Variants in ABCA9 observed in about 807,000 individuals in gnomAD.
ABCA9 encodes ATP binding cassette subfamily A member 9, also known as ATP-binding cassette sub-family A member 9.
ABCA9 carries 183 observed loss-of-function variants against 205.3 expected under a neutral mutation model. The observed-to-expected ratio is 0.89, with a 90% CI of 0.79 to 1.01. The LOEUF (loss-of-function observed/expected upper bound fraction) is 1.01, where lower values mean the gene tolerates loss of function less well. Among genes scored for constraint, ABCA9 ranks in the 50% least tolerant of loss-of-function variants. The pLI is 0.00. For missense variants in ABCA9, 1,805 were observed against 1,912.4 expected (o/e 0.94, Z 1.05); for synonymous variants, 651 against 683.3 (o/e 0.95, Z 0.74).
intron 19 of ABCA9, chr17:69,019,863 A>C (rs574852803): frequency 6.5e-6 from 1 of 152,738 alleles, no homozygotes; most frequent in South Asian, 2.1e-4. Context: ...TCCAACTACA[A>C]CATTAACTCT....
chr17:69,003,374 T>C lies in ABCA9; in HGVS notation c.3435+4385A>G, dbSNP rs1411820618. Among the ~76,000 whole-genome samples the C allele has an allele frequency of 4.7e-5, 7 of 148,954 alleles. No individual in the cohort carries two copies. In the South Asian group the frequency reaches 6.6e-4, roughly 14 times the overall value. ...AAGGATTTTATTTCTCCTTCACTTATGAAGCTTAGTTTGGCTGGATATGAA... is the reference window on the plus strand; with the variant it reads ...AAGGATTTTATTTCTCCTTCACTTACGAAGCTTAGTTTGGCTGGATATGAA... On this transcript the variant is annotated intron_variant, in intron 25 of 38. Transcript: ENST00000340001.
chr17:69,042,559 C>T (rs1272209516), intron 6 of ABCA9: 1 of 152,162 alleles, frequency 6.6e-6, no homozygotes, highest in East Asian at 1.9e-4. Context: ...AATCAATCAC[C>T]ATTCCTAACA....
chr17:68,979,436 T>C lies in ABCA9; in HGVS notation c.4720+3126A>G, dbSNP rs529691469. On this transcript the variant is annotated intron_variant, in intron 37 of 38. Transcript: ENST00000340001. ...TTCACAGAATTAGAAAAAACTACTT[T>C]AAAGTTCATATGGAACCAAAAAAGA... Among the ~76,000 whole-genome samples the C allele has an allele frequency of 6.4e-3, 964 of 151,410 alleles. 3 individuals are homozygous for C. Among genetic ancestry groups the C allele is most frequent in the Non-Finnish European group, 9.4e-3 (637 of 68,000 alleles).
In ABCA9 at chr17:69,043,510, C is replaced by A; in HGVS notation, c.779G>T (p.Gly260Val). 6.2e-7 allele frequency: 1 copy of A among 1,600,416 alleles called. No individual in the cohort carries two copies. Among genetic ancestry groups the A allele is most frequent in the Non-Finnish European group, 8.5e-7 (1 of 1,173,110 alleles). Residue 260 changes from glycine (G) to valine (V), a missense_variant, in exon 6 of 39, where the codon GGA (glycine) becomes GTA (valine). Transcript: ENST00000340001. ...QYITSLMTMM[G>V]LRESAFWLSW... Reference sequence around the variant, plus strand: ...TTACCAGAATGCTGACTCTCGGAGTCCCATCATTGTCATCAATGACGTAAT... The same window carrying A: ...TTACCAGAATGCTGACTCTCGGAGTACCATCATTGTCATCAATGACGTAAT...
intron 8 of ABCA9, 25 bp downstream of exon 8, chr17:69,035,220 AG>A (rs755351399): frequency 6.7e-7 from 1 of 1,485,300 alleles, no homozygotes; most frequent in South Asian, 1.5e-5. Context: ...GTTTGTAAAA[AG>A]TGAAAGTGTT....
Position 69,017,770 on chromosome 17 carries a change from A to G in ABCA9, c.2787T>C (p.Phe929=). ...TGTTCTGTCGCCTCAGTGAATGTAAAAAGTTATCAATGGTTGACCCTACAT... is the reference window on the plus strand; with the variant it reads ...TGTTCTGTCGCCTCAGTGAATGTAAGAAGTTATCAATGGTTGACCCTACAT... ...INKTGSTIDN[F]LHSLRRQNIA... Residue 929 remains phenylalanine (F), a synonymous_variant, in exon 21 of 39, where the codon TTT becomes TTC. Coordinates refer to ENST00000340001, the MANE Select transcript of ABCA9 (RefSeq NM_080283.4). The G allele has an allele frequency of 6.2e-7, 1 of 1,613,228 alleles. No individual in the cohort carries two copies. Among genetic ancestry groups the G allele is most frequent in the Non-Finnish European group, 8.5e-7 (1 of 1,179,354 alleles).
chr17:69,051,225 A>G, intron 1 of ABCA9, 86 bp from the exon 2 acceptor site: 6 of 1,214,022 alleles, frequency 4.9e-6, no homozygotes, highest in Admixed American at 2.5e-5. Flanking sequence ...GAAACATTGT[A>G]ACAGCTGTTT....
In ABCA9 at chr17:68,983,673, C is replaced by G. The variant is rs2069134643; in HGVS notation, c.4640+36G>C. 8 of 1,606,574 alleles carry G rather than the reference C, an allele frequency of 5.0e-6. No individual in the cohort carries two copies. In the East Asian group the frequency reaches 1.6e-4, roughly 31 times the overall value. On this transcript the variant is annotated intron_variant, in intron 36 of 38. Transcript: ENST00000340001. The stretch of plus-strand genomic sequence containing the variant: ...CATAGCAGAAATATGGAAACAAAAA[C>G]CAAGGACTGTGATAAAACAAAACAC...
intron 1 of ABCA9, among the ~76,000 whole-genome samples, chr17:69,058,597 T>C (rs1449211960): frequency 6.6e-6 from 1 of 152,150 alleles, no homozygotes; most frequent in Non-Finnish European, 1.5e-5. Flanking sequence ...CCCAGCACTT[T>C]GGGAGGCTGA....
chr17:69,078,145 G>C, the ABCA9 span, among the ~76,000 whole-genome samples: 7 of 151,570 alleles, frequency 4.6e-5, no homozygotes, highest in African/African-American at 1.7e-4. Flanking sequence ...CAACATGAGT[G>C]CTTGTCTACT....
chr17:68,995,708 C>G (rs2069596862), intron 26 of ABCA9, among the ~76,000 whole-genome samples, 187 bp downstream of exon 26: 1 of 152,026 alleles, frequency 6.6e-6, no homozygotes, highest in Non-Finnish European at 1.5e-5. Flanking sequence ...TGTCATAAAC[C>G]AAAGCTGGCT....
intron 34 of ABCA9, 118 bp from the exon 35 acceptor site, chr17:68,984,293 A>T: frequency 7.1e-7 from 1 of 1,414,100 alleles, no homozygotes; most frequent in South Asian, 1.3e-5. Flanking sequence ...GACTAGACAA[A>T]AAAGGGGTGT....
intron 1 of ABCA9, 111 bp from the exon 2 acceptor site, chr17:69,051,250 G>T: frequency 1.1e-6 from 1 of 920,390 alleles, no homozygotes; most frequent in Non-Finnish European, 1.5e-6. Flanking sequence ...TTGCATTCCT[G>T]GAGAAGAAGA....
rs113318798 is a variant in ABCA9, at chr17:69,029,790, G to A, written c.1446-563C>T. Among the ~76,000 whole-genome samples the A allele has an allele frequency of 9.2e-3, 1,405 of 152,224 alleles. 23 individuals carry two copies. Among genetic ancestry groups the A allele is most frequent in the Admixed American group, 0.027 (420 of 15,286 alleles). ...ATGTAGAGTAAATAAGATAATATAC[G>A]CAGAACACAAAATACTTGGAACCTA... On this transcript the variant is annotated intron_variant, in intron 10 of 38. Transcript: ENST00000340001.
At position 68,984,125 on chromosome 17, in the gene ABCA9, G is replaced by T; in HGVS notation, c.4430C>A (p.Thr1477Asn). 1 of 1,614,168 alleles carries T rather than the reference G, an allele frequency of 6.2e-7. No individual in the cohort carries two copies. The highest frequency in any genetic ancestry group is 2.2e-5 in the East Asian group (1 of 44,878). Reference sequence around the variant, plus strand: ...CTCAGCCTCTGCCATGTAGTGGGTGGTCAGGAGGGCGCCCCTCTCCGTGTT... The same window carrying T: ...CTCAGCCTCTGCCATGTAGTGGGTGTTCAGGAGGGCGCCCCTCTCCGTGTT... ...FRNTERGALL[T>N]THYMAEAEAV... Residue 1477 changes from threonine (T) to asparagine (N), a missense_variant, in exon 35 of 39, where the codon ACC (threonine) becomes AAC (asparagine). Thr to Asn is a moderately conservative substitution (Grantham distance 65). Coordinates refer to ENST00000340001, the MANE Select transcript of ABCA9 (RefSeq NM_080283.4).
At chr17:69,049,850 C>T (rs1044439962) in intron 2 of ABCA9, among the ~76,000 whole-genome samples, 2 of 152,114 alleles carry the variant, frequency 1.3e-5, no homozygotes, top group Admixed American at 1.3e-4. Context: ...GAATAGGTAA[C>T]TAGCTTCCAT....
In ABCA9 at chr17:69,049,531, G is replaced by A. The variant is rs778298012; in HGVS notation, c.97-41C>T. 1.7e-5 allele frequency: 25 copies of A among 1,460,924 alleles called. No individual in the cohort carries two copies. The African/African-American group carries it at 3.1e-4, about 18-fold the overall frequency. The allele number at this position is 1,460,924 out of a possible 1,614,324, so 90.5% of individuals were successfully genotyped here. A position where few individuals can be genotyped will look rare whatever the true frequency, so the allele number is the denominator to read the frequency against. ...AGAAAAAGGAAACAAACTGGTAGAT[G>A]TTATACCACAGATCAATCATCCACA... On this transcript the variant is annotated intron_variant, in intron 2 of 38. Transcript: ENST00000340001.
At chr17:69,002,302 G>T (rs1208160109) in intron 25 of ABCA9, among the ~76,000 whole-genome samples, 42 of 119,126 alleles carry the variant, frequency 3.5e-4, no homozygotes, top group African/African-American at 1.4e-3. Context: ...GCGTCCCAGA[G>T]ATTCTGGTAT....
intron 2 of ABCA9, among the ~76,000 whole-genome samples, chr17:69,050,149 T>A (rs2071853794): frequency 6.6e-6 from 1 of 152,022 alleles, no homozygotes; most frequent in African/African-American, 2.4e-5. Flanking sequence ...GTTTCTATCT[T>A]AATAGAAAAA....
Sources: gnomAD v4.1 joint callset for allele counts (sites outside exome capture counted in the v4.1 genomes callset) on GRCh38, gnomAD v4.1.1 for gene constraint, MANE v1.5 for transcripts, NCBI Gene and HGNC (gene_info 2026-07-23, HGNC 2026-07-21) for gene names.